TRHDE: variants seen among roughly 807,000 people sequenced by gnomAD.
TRHDE encodes thyrotropin-releasing hormone-degrading ectoenzyme.
In TRHDE, 72 loss-of-function variants were observed where a neutral mutation model predicts 125.7. That is an observed-to-expected ratio of 0.57 (90% CI 0.47 to 0.70). The LOEUF (loss-of-function observed/expected upper bound fraction) is 0.70, where lower values mean the gene tolerates loss of function less well. TRHDE is among the 30% of genes least tolerant of loss of function. TRHDE has a pLI of 0.00. For missense variants in TRHDE, 1,110 were observed against 1,327.1 expected, an observed-to-expected ratio of 0.84 and a Z score of 2.54; for synonymous variants, 509 against 509.1, an observed-to-expected ratio of 1.00 and a Z score of 0.00.
chr12:72,433,253 C>T (rs12228341), intron 3 of TRHDE, among the ~76,000 whole-genome samples: 18,586 of 152,048 alleles, frequency 0.12, 1,598 homozygotes, highest in East Asian at 0.48. Flanking sequence ...TTGATCTATA[C>T]ATTTCCTTTC....
intron 15 of TRHDE, among the ~76,000 whole-genome samples, chr12:72,624,945 GACA>G (rs1416784177): frequency 1.3e-5 from 2 of 149,884 alleles, no homozygotes; most frequent in Non-Finnish European, 3.0e-5. Flanking sequence ...AAAAAAAAAA[GACA>G]CAGAAAAGAT....
chr12:72,621,589 G>A (rs984376778), intron 14 of TRHDE, 55 bp from the exon 15 acceptor site: 4 of 1,281,392 alleles, frequency 3.1e-6, no homozygotes, highest in Non-Finnish European at 4.4e-6. Flanking sequence ...TACTATTTAG[G>A]GAATGAATTT....
At chr12:72,152,757 T>C (rs1244000521) in intron 2 of TRHDE, among the ~76,000 whole-genome samples, 1 of 152,178 alleles carries the variant, frequency 6.6e-6, no homozygotes, top group Non-Finnish European at 1.5e-5. Context: ...CACTTGATCA[T>C]GGTGGATAAG....
chr12:72,251,332 C>A (rs1565672991), intron 2 of TRHDE, among the ~76,000 whole-genome samples: 4 of 152,046 alleles, frequency 2.6e-5, no homozygotes, highest in Middle Eastern at 3.4e-3. Flanking sequence ...CCCTGGAAAC[C>A]ACTAATCATT....
intron 7 of TRHDE, among the ~76,000 whole-genome samples, chr12:72,555,388 T>C (rs950014721): frequency 3.3e-5 from 5 of 152,156 alleles, no homozygotes; most frequent in Admixed American, 3.3e-4. Flanking sequence ...TGGCTTGAAC[T>C]GCTATACCTC....
intron 12 of TRHDE, among the ~76,000 whole-genome samples, chr12:72,578,504 C>G (rs1279847398): frequency 1.3e-5 from 2 of 152,130 alleles, no homozygotes. Flanking sequence ...ACTTATCTGT[C>G]CTTCCCAGCA....
intron 3 of TRHDE, among the ~76,000 whole-genome samples, chr12:72,402,801 G>A (rs1048187043): frequency 1.3e-5 from 2 of 151,584 alleles, no homozygotes; most frequent in African/African-American, 2.4e-5. Flanking sequence ...CAACTTTTTT[G>A]TCCTTTATTT....
intron 15 of TRHDE, among the ~76,000 whole-genome samples, chr12:72,622,019 G>A (rs539227671): frequency 1.3e-5 from 2 of 152,036 alleles, no homozygotes; most frequent in African/African-American, 4.8e-5. Flanking sequence ...CTTATTTCAA[G>A]TTTTGAAAGC....
chr12:72,640,834 A>G (rs888603622), intron 15 of TRHDE, among the ~76,000 whole-genome samples: 1 of 152,198 alleles, frequency 6.6e-6, no homozygotes, highest in Non-Finnish European at 1.5e-5. Flanking sequence ...CAAATGAATT[A>G]ATTAATTATA....
At chr12:72,641,491 G>A (rs576640692) in intron 15 of TRHDE, among the ~76,000 whole-genome samples, 4 of 151,976 alleles carry the variant, frequency 2.6e-5, no homozygotes, top group Non-Finnish European at 5.9e-5. Context: ...TACTAAGAAC[G>A]TACACATTAT....
In TRHDE at chr12:72,625,872, A is replaced by G. The variant is rs569879132; in HGVS notation, c.2675+4121A>G. ...AGATACATTAGTTCAAATATGGTAA[A>G]ATAAATAAATAAAAATTGTCCTACA... On this transcript the variant is annotated intron_variant, in intron 15 of 18. Transcript: ENST00000261180. Among the ~76,000 whole-genome samples the G allele has an allele frequency of 3.9e-5, 6 of 152,062 alleles. No individual in the cohort carries two copies. In the East Asian group the frequency reaches 1.2e-3, roughly 29 times the overall value.
intron 2 of TRHDE, among the ~76,000 whole-genome samples, chr12:72,219,595 T>C (rs1877963007): frequency 6.6e-6 from 1 of 152,092 alleles, no homozygotes; most frequent in South Asian, 2.1e-4. Flanking sequence ...GACAGGCCTA[T>C]TGCTAAAAGG....
At chr12:72,384,769 A>C (rs1872340187) in intron 3 of TRHDE, among the ~76,000 whole-genome samples, 1 of 152,104 alleles carries the variant, frequency 6.6e-6, no homozygotes, top group Non-Finnish European at 1.5e-5. Flanking sequence ...TTTTTGCTTA[A>C]GATACAATAA....
chr12:72,205,217 A>G (rs901114766), intron 2 of TRHDE, among the ~76,000 whole-genome samples: 2 of 151,944 alleles, frequency 1.3e-5, no homozygotes, highest in Admixed American at 6.6e-5. Context: ...GTACACCAAA[A>G]TTTTACTCAC....
intron 15 of TRHDE, among the ~76,000 whole-genome samples, chr12:72,632,731 CAA>C (rs35575828): frequency 3.0e-4 from 38 of 127,438 alleles, no homozygotes; most frequent in East Asian, 1.3e-3. Context: ...AACATTGGAC[CAA>C]AAAAAAAAAA....
In TRHDE at chr12:72,527,600, A is replaced by AC. The variant is rs199506200; in HGVS notation, c.1723-14691_1723-14690insC. On this transcript the variant is annotated intron_variant, in intron 6 of 18. Transcript: ENST00000261180. ...GTAAGAGGAGTTAAAAAAAAAAAAA[A>AC]GACAAAATAAGCCAGAGTCTGAGGG... 2.7e-3 allele frequency among the ~76,000 whole-genome samples: 410 copies of AC among 151,326 alleles called. 2 individuals are homozygous for AC. Among genetic ancestry groups the AC allele is most frequent in the African/African-American group, 8.8e-3 (363 of 41,340 alleles).
At chr12:72,597,555 C>A (rs1871994916) in intron 12 of TRHDE, among the ~76,000 whole-genome samples, 2 of 150,010 alleles carry the variant, frequency 1.3e-5, no homozygotes, top group Admixed American at 1.3e-4. Flanking sequence ...GTAATCCCAG[C>A]TATTCTGGGG....
intron 2 of TRHDE, among the ~76,000 whole-genome samples, chr12:72,199,111 A>G (rs976463926): frequency 1.3e-5 from 2 of 152,194 alleles, no homozygotes; most frequent in Non-Finnish European, 2.9e-5. Context: ...GGGGAATTAC[A>G]ATCCAACATG....
intron 3 of TRHDE, among the ~76,000 whole-genome samples, chr12:72,416,372 C>T (rs1873732141): frequency 6.6e-6 from 1 of 151,986 alleles, no homozygotes. Context: ...GTTTCCTTTG[C>T]TGTGCAGAAG....
Sources: gnomAD v4.1 joint callset for allele counts (sites outside exome capture counted in the v4.1 genomes callset) on GRCh38, gnomAD v4.1.1 for gene constraint, MANE v1.5 for transcripts, NCBI Gene and HGNC (gene_info 2026-07-23, HGNC 2026-07-21) for gene names.